Variants in TLK1 observed in about 807,000 individuals in gnomAD.
The protein encoded by TLK1 is tousled like kinase 1, also known as serine/threonine-protein kinase tousled-like 1.
A neutral mutation model predicts 105.3 loss-of-function variants in TLK1; 24 were observed. The ratio of observed to expected loss-of-function variants is 0.23; its 90% CI spans 0.17 to 0.32. The LOEUF (loss-of-function observed/expected upper bound fraction) is 0.32. TLK1 is among the 10% of genes least tolerant of loss of function. The pLI is 1.00. For synonymous variants in TLK1, 321 were observed against 310.4 expected (o/e 1.03, Z -0.36); for missense variants, 558 against 910.5 (o/e 0.61, Z 4.98).
chr2:171,007,709 T>C (rs1272082554), intron 14 of TLK1, among the ~76,000 whole-genome samples: 2 of 152,018 alleles, frequency 1.3e-5, no homozygotes, highest in Non-Finnish European at 2.9e-5. Context: ...TTAAAACAAA[T>C]ACATTATTTC....
intron 1 of TLK1, among the ~76,000 whole-genome samples, chr2:171,138,703 C>G (rs1691444724): frequency 6.6e-6 from 1 of 152,148 alleles, no homozygotes; most frequent in Non-Finnish European, 1.5e-5. Context: ...ACGTGGAAAA[C>G]TGCTTAATCT....
At position 171,046,345 on chromosome 2, in the gene TLK1, T is replaced by C. The variant is rs139634869; in HGVS notation, c.998A>G (p.Asn333Ser). ...CCTTTCAATATCTTCCCTTTGCTGA[T>C]TCACCCATTCTTGTTGCCTGTGTAA... Reference protein sequence around the residue: ...QNLVKQQEWVNQQREDIERQR... With the variant: ...QNLVKQQEWVSQQREDIERQR... The change falls in exon 11 of 21, where the codon AAT (asparagine) becomes AGT (serine). Residue 333 changes from asparagine (N) to serine (S), a missense_variant. Physicochemically the swap from Asn to Ser is conservative, Grantham distance 46 (BLOSUM62 1). Around this residue, in one of 5 missense-constraint regions of TLK1, gnomAD observed 218 missense variants for 492.9 expected, o/e 0.44. Coordinates refer to ENST00000431350, the MANE Select transcript of TLK1 (RefSeq NM_012290.5). 6.2e-7 allele frequency: 1 copy of C among 1,607,584 alleles called. No individual in the cohort carries two copies. The highest frequency in any genetic ancestry group is 8.5e-7 in the Non-Finnish European group (1 of 1,177,702).
chr2:171,054,044 A>C (rs1343200817), intron 7 of TLK1, 191 bp from the exon 8 acceptor site: 2 of 411,232 alleles, frequency 4.9e-6, no homozygotes. Context: ...TTACCAAGAA[A>C]CATCTAGAAA....
chr2:171,072,714 G>A (rs926015594), intron 3 of TLK1, among the ~76,000 whole-genome samples: 25 of 152,158 alleles, frequency 1.6e-4, no homozygotes, highest in Non-Finnish European at 7.3e-5. Context: ...GGTGCAGTGA[G>A]CTGAGATGAC....
At chr2:171,185,762 T>A (rs1408719559) in intron 1 of TLK1, among the ~76,000 whole-genome samples, 1 of 152,244 alleles carries the variant, frequency 6.6e-6, no homozygotes. Flanking sequence ...ATTGCACTTA[T>A]TGGTTTACTT....
At chr2:171,004,143 A>G (rs1684531687) in intron 18 of TLK1, among the ~76,000 whole-genome samples, 1 of 151,980 alleles carries the variant, frequency 6.6e-6, no homozygotes, top group South Asian at 2.1e-4. Flanking sequence ...TAGTATTTTT[A>G]GCAGAGACGA....
chr2:171,023,414 T>TACACACAC lies in TLK1; in HGVS notation c.1236+4917_1236+4924dup, dbSNP rs140384482. Reference sequence around the variant, plus strand: ...CTCATAAGTCAAATGCACTCACACATACACACACACACACACACACACACC... The same window carrying TACACACAC: ...CTCATAAGTCAAATGCACTCACACATACACACACACACACACACACACACACACACACC... On this transcript the variant is annotated intron_variant, in intron 12 of 20. Transcript: ENST00000431350. Among the ~76,000 whole-genome samples the TACACACAC allele has an allele frequency of 6.2e-3, 910 of 147,626 alleles. 8 individuals are homozygous for TACACACAC. The highest frequency in any genetic ancestry group is 0.02 in the African/African-American group (805 of 40,586).
intron 14 of TLK1, among the ~76,000 whole-genome samples, chr2:171,007,793 T>C (rs1192831797): frequency 6.6e-6 from 1 of 152,114 alleles, no homozygotes; most frequent in African/African-American, 2.4e-5. Context: ...TCAGTAATAA[T>C]TCCTTCATCT....
chr2:171,042,066 C>A (rs984442920), intron 11 of TLK1, among the ~76,000 whole-genome samples: 1 of 152,010 alleles, frequency 6.6e-6, no homozygotes, highest in Admixed American at 6.6e-5. Flanking sequence ...ACTTCATTTG[C>A]CACAGAGTTA....
At chr2:171,014,198 ACG>A (rs1295574246) in intron 13 of TLK1, among the ~76,000 whole-genome samples, 1 of 152,202 alleles carries the variant, frequency 6.6e-6, no homozygotes, top group Admixed American at 6.5e-5. Flanking sequence ...TCTAGGCTTT[ACG>A]GATACAGCAA....
chr2:171,070,127 C>T (rs186635076), intron 3 of TLK1, among the ~76,000 whole-genome samples: 1 of 152,080 alleles, frequency 6.6e-6, no homozygotes, highest in African/African-American at 2.4e-5. Flanking sequence ...CAGTAATAGG[C>T]CATTTTTCTC....
intron 14 of TLK1, among the ~76,000 whole-genome samples, chr2:171,007,661 A>G (rs1171095475): frequency 6.6e-6 from 1 of 152,068 alleles, no homozygotes; most frequent in African/African-American, 2.4e-5. Context: ...TCTATTCCCT[A>G]GTACCCTTGC....
intron 12 of TLK1, among the ~76,000 whole-genome samples, chr2:171,022,088 C>CACACACACACATAG (rs369935303): frequency 7.2e-6 from 1 of 139,200 alleles, no homozygotes; most frequent in Non-Finnish European, 1.5e-5. Flanking sequence ...GGGCGAAAAA[C>CACACACACACATAG]ACACACACAC....
intron 18 of TLK1, among the ~76,000 whole-genome samples, chr2:171,002,401 A>G (rs1405139390): frequency 3.3e-5 from 5 of 151,796 alleles, no homozygotes; most frequent in Non-Finnish European, 4.4e-5. Context: ...TAGGACTACG[A>G]GCAGCTGGGA....
At chr2:171,144,728 C>T (rs903010433) in intron 1 of TLK1, among the ~76,000 whole-genome samples, 1 of 151,898 alleles carries the variant, frequency 6.6e-6, no homozygotes, top group African/African-American at 2.4e-5. Context: ...TATGGGAAAA[C>T]ATTTTTATGA....
intron 3 of TLK1, chr2:171,066,989 T>A: frequency 6.6e-7 from 1 of 1,519,090 alleles, no homozygotes; most frequent in Non-Finnish European, 8.8e-7. Flanking sequence ...AATTCAGAGC[T>A]GTGGTCTCAC....
At chr2:171,175,997 C>T (rs1317553205) in intron 1 of TLK1, among the ~76,000 whole-genome samples, 5 of 152,002 alleles carry the variant, frequency 3.3e-5, no homozygotes, top group East Asian at 1.9e-4. Flanking sequence ...AGTGCAATGG[C>T]GCGACCTCTG....
rs531465398 is a variant in TLK1, at chr2:171,079,567, G to A, written c.330+3214C>T. On this transcript the variant is annotated intron_variant, in intron 3 of 20. Coordinates refer to ENST00000431350, the MANE Select transcript of TLK1 (RefSeq NM_012290.5). ...TGAATTTTTTGGAGCCTGCTGAATG[G>A]ACCAGGAGTGATGTAAAATAAAACA... Among the ~76,000 whole-genome samples the A allele has an allele frequency of 2.0e-5, 3 of 152,274 alleles. No homozygotes were observed. The East Asian group carries it at 5.8e-4, about 29-fold the overall frequency.
At chr2:171,223,171 G>A (rs1165191317) in intron 1 of TLK1, among the ~76,000 whole-genome samples, 1 of 152,118 alleles carries the variant, frequency 6.6e-6, no homozygotes, top group Non-Finnish European at 1.5e-5. Context: ...CCCAGAAGTG[G>A]GATTGCTGGA....
Sources: allele counts gnomAD v4.1 joint callset (sites outside exome capture counted in the v4.1 genomes callset), GRCh38; gene constraint gnomAD v4.1.1; regional missense constraint gnomAD v4.1.1; transcripts MANE v1.5; gene names NCBI Gene and HGNC (gene_info 2026-07-23, HGNC 2026-07-21).